TRDN: variants seen among roughly 807,000 people sequenced by gnomAD.
TRDN encodes triadin in skeletal muscle.
A neutral mutation model predicts 149.7 loss-of-function variants in TRDN; 161 were observed. The ratio of observed to expected loss-of-function variants is 1.08; its 90% CI spans 0.95 to 1.23. TRDN has a LOEUF of 1.23. Ranked by LOEUF, TRDN falls within the 50% of genes most tolerant of loss-of-function variation. TRDN has a pLI of 0.00. For missense variants in TRDN, 896 were observed against 823.5 expected, an observed-to-expected ratio of 1.09 and a Z score of -1.08; for synonymous variants, 294 against 250.5, an observed-to-expected ratio of 1.17 and a Z score of -1.64.
At chr6:123,472,432 C>T (rs191489062) in intron 9 of TRDN, among the ~76,000 whole-genome samples, 244 of 152,340 alleles carry the variant, frequency 1.6e-3, no homozygotes, top group African/African-American at 4.4e-3. Context: ...GAGGGTCCTA[C>T]GCCCACGGAA....
At chr6:123,333,358 A>G (rs1403163924) in intron 22 of TRDN, among the ~76,000 whole-genome samples, 3 of 152,102 alleles carry the variant, frequency 2.0e-5, no homozygotes, top group African/African-American at 7.2e-5. Context: ...AGCCCACAGA[A>G]CTACATTGAT....
intron 2 of TRDN, among the ~76,000 whole-genome samples, chr6:123,565,426 A>G (rs920000940): frequency 7.2e-5 from 11 of 152,116 alleles, no homozygotes; most frequent in African/African-American, 2.7e-4. Context: ...TCCTGAGGTA[A>G]ATCTTAATTG....
chr6:123,571,071 G>A lies in TRDN; in HGVS notation c.84C>T (p.Pro28=), dbSNP rs145992727. ...DSKNGSVPKS[P]GKVLKRTVTE... is the part of the protein sequence containing the mutation. ...TGACTGTCCTCTTCAGCACTTTTCC[G>A]GGGGATTTGGGCACAGATCCATTTT... The change falls in exon 2 of 41, where the codon CCC becomes CCT. Residue 28 remains proline, a synonymous_variant. Coordinates refer to ENST00000334268, the MANE Select transcript of TRDN (RefSeq NM_006073.4). 219 of 1,613,952 alleles carry A rather than the reference G, an allele frequency of 1.4e-4. 2 individuals are homozygous for A. The African/African-American group carries it at 2.3e-3, about 17-fold the overall frequency.
intron 24 of TRDN, among the ~76,000 whole-genome samples, chr6:123,292,327 T>G (rs1361932132): frequency 6.6e-6 from 1 of 152,066 alleles, no homozygotes; most frequent in Non-Finnish European, 1.5e-5. Flanking sequence ...CGGAAGTGGG[T>G]GGACACTTAT....
At chr6:123,366,451 T>C (rs2114359165) in intron 19 of TRDN, among the ~76,000 whole-genome samples, 1 of 152,304 alleles carries the variant, frequency 6.6e-6, no homozygotes. Context: ...GCCTATTCCA[T>C]AGACTTTAGA....
In TRDN at chr6:123,529,342, G is replaced by C. The variant is rs1289524397; in HGVS notation, c.484+1164C>G. On this transcript the variant is annotated intron_variant, in intron 5 of 40. Transcript: ENST00000334268. ...CGAAAAAAGGAAAGAGAACAGTAAG[G>C]AGACATTAGTTTCCTAAGTACAAAT... is the stretch of plus-strand genomic sequence containing the variant. 7 of 1,548,392 alleles carry C rather than the reference G, an allele frequency of 4.5e-6. No individual in the cohort carries two copies. The Admixed American group carries it at 1.4e-4, about 30-fold the overall frequency.
chr6:123,245,465 C>T (rs1297270850), intron 38 of TRDN, among the ~76,000 whole-genome samples: 1 of 151,992 alleles, frequency 6.6e-6, no homozygotes, highest in Non-Finnish European at 1.5e-5. Context: ...ATAAAATAGA[C>T]TTTACACCAA....
At chr6:123,336,839 T>C (rs1014541459) in intron 22 of TRDN, among the ~76,000 whole-genome samples, 16 of 150,954 alleles carry the variant, frequency 1.1e-4, no homozygotes, top group African/African-American at 2.9e-4. Context: ...TATAATAAAT[T>C]ATATGTTATA....
At chr6:123,451,316 G>A (rs1474785266) in intron 10 of TRDN, among the ~76,000 whole-genome samples, 1 of 151,938 alleles carries the variant, frequency 6.6e-6, no homozygotes, top group Non-Finnish European at 1.5e-5. Context: ...TAAAAAGCTG[G>A]TTCTTTGAAA....
chr6:123,513,385 T>C (rs1779265762), intron 6 of TRDN, among the ~76,000 whole-genome samples: 1 of 152,148 alleles, frequency 6.6e-6, no homozygotes, highest in Non-Finnish European at 1.5e-5. Flanking sequence ...TGCTTTTCAA[T>C]TTGAATACAT....
chr6:123,585,930 G>T (rs577977113), intron 1 of TRDN, among the ~76,000 whole-genome samples: 7 of 152,198 alleles, frequency 4.6e-5, no homozygotes, highest in Middle Eastern at 3.4e-3. Context: ...CTGTTGTGGG[G>T]TTTGAGGGCC....
intron 10 of TRDN, among the ~76,000 whole-genome samples, chr6:123,446,833 T>A (rs17085374): frequency 0.15 from 22,846 of 152,080 alleles, 2,444 homozygotes; most frequent in African/African-American, 0.3. Context: ...GGTGGTCAAG[T>A]GTCTCATTGG....
At chr6:123,264,219 A>G (rs775347533) in intron 33 of TRDN, among the ~76,000 whole-genome samples, 2 of 152,090 alleles carry the variant, frequency 1.3e-5, no homozygotes, top group African/African-American at 2.4e-5. Flanking sequence ...CTGGAATGGA[A>G]TCACCTCTCT....
chr6:123,239,271 T>C (rs1355975184), intron 38 of TRDN, among the ~76,000 whole-genome samples: 1 of 152,158 alleles, frequency 6.6e-6, no homozygotes, highest in Non-Finnish European at 1.5e-5. Context: ...GATATAAAAA[T>C]TGATTAAACT....
intron 12 of TRDN, among the ~76,000 whole-genome samples, chr6:123,434,694 G>A (rs1774480152): frequency 6.6e-6 from 1 of 151,916 alleles, no homozygotes; most frequent in Non-Finnish European, 1.5e-5. Flanking sequence ...TATTTCTTTT[G>A]TTGATTGCTT....
At chr6:123,463,491 T>C (rs1237460956) in intron 10 of TRDN, among the ~76,000 whole-genome samples, 3 of 152,228 alleles carry the variant, frequency 2.0e-5, no homozygotes, top group African/African-American at 7.2e-5. Context: ...TATGAGCCTC[T>C]GCTAGGAGAT....
At chr6:123,444,102 A>G (rs1361536987) in intron 10 of TRDN, among the ~76,000 whole-genome samples, 1 of 146,766 alleles carries the variant, frequency 6.8e-6, no homozygotes, top group Non-Finnish European at 1.5e-5. Context: ...TCTGTAAATT[A>G]CCTTGGGCAG....
At chr6:123,456,382 A>G (rs1776121438) in intron 10 of TRDN, among the ~76,000 whole-genome samples, 1 of 152,196 alleles carries the variant, frequency 6.6e-6, no homozygotes, top group Non-Finnish European at 1.5e-5. Flanking sequence ...CTAGTAACAC[A>G]TTATGTCTTC....
chr6:123,465,603 A>AAG lies in TRDN; in HGVS notation c.854-622_854-621dup, dbSNP rs66549999. 6.1e-3 allele frequency among the ~76,000 whole-genome samples: 809 copies of AAG among 131,570 alleles called. 5 individuals carry two copies. Among genetic ancestry groups the AAG allele is most frequent in the African/African-American group, 0.023 (723 of 32,006 alleles). 86.3% of individuals were successfully genotyped at this position (131,570 alleles called of 152,430 possible). ...ACTGCAAAAAAAAAAAAAAAAAAAA[A>AAG]AGAGAGAGAGAGAGAAAGAAAGAAA... On this transcript the variant is annotated intron_variant, in intron 9 of 40. Transcript: ENST00000334268.
Sources: gnomAD v4.1 joint callset for allele counts (sites outside exome capture counted in the v4.1 genomes callset) on GRCh38, gnomAD v4.1.1 for gene constraint, MANE v1.5 for transcripts, NCBI Gene and HGNC (gene_info 2026-07-23, HGNC 2026-07-21) for gene names.